Variants in NT5DC4 observed in about 807,000 individuals in gnomAD.
NT5DC4 encodes 5'-nucleotidase domain containing 4, also known as 5'-nucleotidase domain-containing protein 4.
In NT5DC4, 44 loss-of-function variants were observed where a neutral mutation model predicts 26.6. The observed-to-expected ratio is 1.65, with a 90% CI of 1.30 to 2.13. The LOEUF (loss-of-function observed/expected upper bound fraction) is 2.13. NT5DC4 is among the 30% of genes most tolerant of loss of function. The pLI is 0.00. For missense variants in NT5DC4, 399 were observed against 228.1 expected (o/e 1.75, Z -4.83); for synonymous variants, 157 against 86.7 (o/e 1.81, Z -4.51).
Position 112,722,597 on chromosome 2 carries a change from G to A in NT5DC4, c.469+8G>A. 1 of 717,494 alleles carries A rather than the reference G, an allele frequency of 1.4e-6. No homozygotes were observed. The highest frequency in any genetic ancestry group is 2.6e-6 in the Non-Finnish European group (1 of 385,090). The allele number at this position is 717,494 out of a possible 1,614,324, so 44.4% of individuals were successfully genotyped here. A position where few individuals can be genotyped will look rare whatever the true frequency, so the allele number is the denominator to read the frequency against. On this transcript the variant is annotated splice_region_variant and intron_variant, in intron 5 of 16. Coordinates refer to ENST00000688554, the MANE Select transcript of NT5DC4 (RefSeq NM_001393655.1). ...TGCTCTTCAACCTGCCTGGTGGGTG[G>A]AGGGTTGGGGGCACGGGAGGTGGTC...
downstream of NT5DC4, chr2:112,741,061 C>A (rs1245158859): frequency 1.7e-6 from 2 of 1,188,616 alleles, no homozygotes; most frequent in African/African-American, 3.0e-5. Flanking sequence ...AATACTTCAA[C>A]TAGAAGTCAA....
At chr2:112,725,651 G>A (rs1166556906) in intron 13 of NT5DC4, 99 bp downstream of exon 13, 2 of 576,586 alleles carry the variant, frequency 3.5e-6, no homozygotes, top group South Asian at 2.3e-5. Flanking sequence ...GTTAGTAGTT[G>A]TGACCAGGAA....
intron 8 of NT5DC4, 66 bp from the exon 9 acceptor site, chr2:112,723,653 T>C (rs2104722643): frequency 4.3e-6 from 3 of 698,952 alleles, no homozygotes; most frequent in African/African-American, 1.8e-5. Context: ...GGCTGAAACC[T>C]GAGGAGAGGA....
Position 112,739,063 on chromosome 2 carries a change from G to C in NT5DC4, c.*127G>C. On this transcript the variant is annotated 3_prime_UTR_variant, in exon 17 of 17. Transcript: ENST00000688554. ...TCCCATTTATTCTGAGAGACAGCAA[G>C]AGATGCATTAAAAACCTTATCATTT... 6.3e-7 allele frequency: 1 copy of C among 1,579,192 alleles called. No homozygotes were observed. The highest frequency in any genetic ancestry group is 8.7e-7 in the Non-Finnish European group (1 of 1,150,266).
intron 16 of NT5DC4, 115 bp from the exon 17 acceptor site, chr2:112,738,798 C>CT (rs1365844979): frequency 3.3e-6 from 5 of 1,506,272 alleles, no homozygotes; most frequent in East Asian, 4.5e-5. Context: ...TCTGAAACAC[C>CT]TTTTTTAAAA....
At position 112,726,696 on chromosome 2, in the gene NT5DC4, T is replaced by C; in HGVS notation, c.1224T>C (p.Ser408=). 1 of 717,488 alleles carries C rather than the reference T, an allele frequency of 1.4e-6. No homozygotes were observed. Among genetic ancestry groups the C allele is most frequent in the Non-Finnish European group, 2.6e-6 (1 of 385,088 alleles). The allele number at this position is 717,488 out of a possible 1,614,324, so 44.4% of individuals were successfully genotyped here. The change falls in exon 15 of 17, where the codon AGT becomes AGC. Residue 408 remains serine, a synonymous_variant. Transcript: ENST00000688554. ...ADIYQHMDGS[S]CELQVINFTK... The stretch of plus-strand genomic sequence containing the variant: ...GTACCAGGCACATGGATGGGAGCAG[T>C]TGTGAGCTGCAAGTCATCAACTTCA...
intron 14 of NT5DC4, 74 bp downstream of exon 14, chr2:112,726,363 C>T (rs949437049): frequency 1.4e-6 from 1 of 712,982 alleles, no homozygotes; most frequent in Non-Finnish European, 2.6e-6. Flanking sequence ...ACATCCCTGC[C>T]TGGCGGCGAG....
At position 112,739,002 on chromosome 2, in the gene NT5DC4, C is replaced by T. The variant is rs1258220146; in HGVS notation, c.*66C>T. The stretch of plus-strand genomic sequence containing the variant: ...CGCTCAATCCTCGACGAACGCCGTA[C>T]AGGAGTGATAAATTTCATGTCTTGC... On this transcript the variant is annotated 3_prime_UTR_variant, in exon 17 of 17. Transcript: ENST00000688554. The T allele has an allele frequency of 6.2e-7, 1 of 1,614,172 alleles. No individual in the cohort carries two copies. The highest frequency in any genetic ancestry group is 8.5e-7 in the Non-Finnish European group (1 of 1,180,028).
intron 15 of NT5DC4, among the ~76,000 whole-genome samples, chr2:112,727,969 C>T (rs991053280): frequency 2.0e-5 from 3 of 152,352 alleles, no homozygotes; most frequent in Middle Eastern, 3.4e-3. Flanking sequence ...CGGGCGGCCC[C>T]GGAGTTGGTG....
intron 16 of NT5DC4, chr2:112,736,960 T>G (rs977481099): frequency 6.6e-5 from 10 of 152,046 alleles, no homozygotes; most frequent in African/African-American, 2.2e-4. Context: ...GGAGTCTTGC[T>G]CTGTAACCCA....
At chr2:112,726,114 G>A in intron 13 of NT5DC4, 124 bp from the exon 14 acceptor site, 1 of 673,508 alleles carries the variant, frequency 1.5e-6, no homozygotes, top group South Asian at 1.7e-5. Context: ...AAGGGGCCAG[G>A]GGTGTTATGC....
In NT5DC4 at chr2:112,739,022, T is replaced by TATCA; in HGVS notation, c.*86_*87insATCA. The TATCA allele has an allele frequency of 3.1e-6, 5 of 1,614,120 alleles. No individual in the cohort carries two copies. The highest frequency in any genetic ancestry group is 4.2e-6 in the Non-Finnish European group (5 of 1,179,960). ...CCGTACAGGAGTGATAAATTTCATG[T>TATCA]CTTGCACTTCCGGCATCCCATTTAT... On this transcript the variant is annotated 3_prime_UTR_variant, in exon 17 of 17. Transcript: ENST00000688554.
intron 16 of NT5DC4, among the ~76,000 whole-genome samples, chr2:112,730,380 G>A (rs929664661): frequency 6.8e-6 from 1 of 146,564 alleles, no homozygotes; most frequent in Non-Finnish European, 1.5e-5. Flanking sequence ...GCAGTGCTTT[G>A]TGCACTGTTG....
intron 16 of NT5DC4, among the ~76,000 whole-genome samples, chr2:112,732,196 C>T (rs1317684897): frequency 7.0e-6 from 1 of 142,874 alleles, no homozygotes; most frequent in African/African-American, 2.7e-5. Context: ...CAGGCGAGAG[C>T]CACCGAGCCT....
intron 16 of NT5DC4, chr2:112,736,989 C>G (rs936059507): frequency 1.3e-5 from 2 of 151,846 alleles, no homozygotes; most frequent in African/African-American, 4.8e-5. Flanking sequence ...TGCAGTGACG[C>G]AATTTTGGCT....
At position 112,726,152 on chromosome 2, in the gene NT5DC4, G is replaced by T. The variant is rs187705273; in HGVS notation, c.1154-86G>T. Reference sequence around the variant, plus strand: ...ACAGCTCAGGGTGTGCAAGTCCTCCGCTGGGCCAGGGCAGACACAGGCAGG... The same window carrying T: ...ACAGCTCAGGGTGTGCAAGTCCTCCTCTGGGCCAGGGCAGACACAGGCAGG... On this transcript the variant is annotated intron_variant, in intron 13 of 16. Coordinates refer to ENST00000688554, the MANE Select transcript of NT5DC4 (RefSeq NM_001393655.1). 5.6e-5 allele frequency: 40 copies of T among 710,810 alleles called. No homozygotes were observed. The African/African-American group carries it at 6.1e-4, about 11-fold the overall frequency. 44.0% of individuals were successfully genotyped at this position (710,810 alleles called of 1,614,324 possible). A position where few individuals can be genotyped will look rare whatever the true frequency, so the allele number is the denominator to read the frequency against.
chr2:112,736,291 T>C (rs1413451980), intron 16 of NT5DC4, among the ~76,000 whole-genome samples: 1 of 152,210 alleles, frequency 6.6e-6, no homozygotes, highest in East Asian at 1.9e-4. Flanking sequence ...TTGTGATCTC[T>C]AAGCAGCCCT....
downstream of NT5DC4, chr2:112,740,699 T>C: frequency 1.3e-6 from 1 of 766,076 alleles, no homozygotes; most frequent in Non-Finnish European, 2.2e-6. Flanking sequence ...CTCCTGACTC[T>C]GGCAGCACCT....
downstream of NT5DC4, among the ~76,000 whole-genome samples, chr2:112,741,303 CAA>C (rs1679946553): frequency 6.6e-6 from 1 of 152,208 alleles, no homozygotes; most frequent in East Asian, 1.9e-4. Flanking sequence ...TATTCACTCT[CAA>C]GAGAGCTCTC....
Sources: allele counts gnomAD v4.1 joint callset (sites outside exome capture counted in the v4.1 genomes callset), GRCh38; gene constraint gnomAD v4.1.1; transcripts MANE v1.5; gene names NCBI Gene and HGNC (gene_info 2026-07-23, HGNC 2026-07-21).